TMTC1: variants seen among roughly 807,000 people sequenced by gnomAD.
TMTC1 encodes the protein protein O-mannosyl-transferase TMTC1.
TMTC1 carries 73 observed loss-of-function variants against 104.8 expected under a neutral mutation model. The observed-to-expected ratio is 0.70, with a 90% CI of 0.58 to 0.85. The LOEUF is 0.85. TMTC1 is among the 40% of genes least tolerant of loss of function. The pLI is 0.00. For synonymous variants in TMTC1, 434 were observed against 428.7 expected, an observed-to-expected ratio of 1.01 and a Z score of -0.15; for missense variants, 1,035 against 1,096.1, an observed-to-expected ratio of 0.94 and a Z score of 0.79.
chr12:29,780,040 T>C (rs905427264), intron 1 of TMTC1, among the ~76,000 whole-genome samples: 1 of 152,156 alleles, frequency 6.6e-6, no homozygotes, highest in Admixed American at 6.5e-5. Flanking sequence ...GCACAGAAAC[T>C]GGATTACTCA....
At chr12:29,535,850 T>A (rs1404817687) in intron 11 of TMTC1, 8 of 202,380 alleles carry the variant, frequency 4.0e-5, no homozygotes, top group Non-Finnish European at 7.8e-5. Flanking sequence ...ATTATCAAAT[T>A]GCTCCATGTT....
intron 7 of TMTC1, among the ~76,000 whole-genome samples, chr12:29,598,106 G>A (rs551472836): frequency 6.6e-6 from 1 of 152,302 alleles, no homozygotes; most frequent in South Asian, 2.1e-4. Context: ...TTTCAAGACG[G>A]CTAGCCAGTG....
intron 5 of TMTC1, among the ~76,000 whole-genome samples, chr12:29,690,961 C>T (rs1351243876): frequency 6.6e-6 from 1 of 152,204 alleles, no homozygotes; most frequent in East Asian, 1.9e-4. Flanking sequence ...CTTGTTCATT[C>T]CTGAGTGTCA....
intron 7 of TMTC1, among the ~76,000 whole-genome samples, chr12:29,600,394 T>G (rs1946533334): frequency 6.6e-6 from 1 of 152,200 alleles, no homozygotes; most frequent in Non-Finnish European, 1.5e-5. Context: ...AAAATGGCTT[T>G]GATGAAGTCA....
At chr12:29,600,493 C>T (rs76283494) in intron 7 of TMTC1, among the ~76,000 whole-genome samples, 7,148 of 152,230 alleles carry the variant, frequency 0.047, 576 homozygotes, top group African/African-American at 0.16. Context: ...TTGCACAATT[C>T]TATATACCAG....
chr12:29,723,447 G>T (rs1327334747), intron 5 of TMTC1, among the ~76,000 whole-genome samples: 1 of 152,158 alleles, frequency 6.6e-6, no homozygotes, highest in East Asian at 1.9e-4. Context: ...CAAGCCAGGA[G>T]CAGTGGCTCA....
At chr12:29,664,663 A>C (rs1429613267) in intron 5 of TMTC1, among the ~76,000 whole-genome samples, 1 of 152,214 alleles carries the variant, frequency 6.6e-6, no homozygotes, top group Non-Finnish European at 1.5e-5. Context: ...CACTTACAAC[A>C]ATTCCATGAG....
intron 10 of TMTC1, among the ~76,000 whole-genome samples, chr12:29,542,249 T>C (rs1178690538): frequency 1.3e-5 from 2 of 152,058 alleles, no homozygotes. Context: ...CTGAATCCCT[T>C]TAAGAACTCA....
At chr12:29,605,278 C>T (rs765466937) in intron 6 of TMTC1, among the ~76,000 whole-genome samples, 9 of 151,698 alleles carry the variant, frequency 5.9e-5, no homozygotes, top group Non-Finnish European at 1.2e-4. Context: ...AAATAAAACT[C>T]CCTAATAAAA....
At chr12:29,555,630 C>T (rs1200718974) in intron 10 of TMTC1, among the ~76,000 whole-genome samples, 2 of 152,100 alleles carry the variant, frequency 1.3e-5, no homozygotes, top group Non-Finnish European at 2.9e-5. Context: ...CAGCTTCATC[C>T]ATGTCCCTGC....
At chr12:29,527,637 CCTGAA>C (rs1944386790) in intron 11 of TMTC1, among the ~76,000 whole-genome samples, 1 of 152,168 alleles carries the variant, frequency 6.6e-6, no homozygotes, top group Non-Finnish European at 1.5e-5. Context: ...AGGTGTTTTT[CCTGAA>C]AGGAACACAA....
intron 11 of TMTC1, among the ~76,000 whole-genome samples, chr12:29,523,004 T>C (rs1193949101): frequency 2.0e-5 from 3 of 152,298 alleles, no homozygotes; most frequent in Non-Finnish European, 2.9e-5. Context: ...GAATAGAAGC[T>C]AGGTTTTCAG....
chr12:29,567,073 T>C (rs1220229612), intron 9 of TMTC1, among the ~76,000 whole-genome samples: 1 of 152,184 alleles, frequency 6.6e-6, no homozygotes, highest in African/African-American at 2.4e-5. Flanking sequence ...ATCTCTTGCC[T>C]CCATTCATGA....
intron 5 of TMTC1, among the ~76,000 whole-genome samples, chr12:29,662,790 C>T (rs556577612): frequency 3.3e-5 from 5 of 152,206 alleles, no homozygotes; most frequent in African/African-American, 9.6e-5. Flanking sequence ...TTTTCCTCTG[C>T]CTGGTCCATA....
intron 9 of TMTC1, among the ~76,000 whole-genome samples, chr12:29,557,553 C>T (rs576898719): frequency 7.9e-5 from 12 of 152,370 alleles, no homozygotes; most frequent in Non-Finnish European, 1.3e-4. Flanking sequence ...CAGGTTCAAG[C>T]GATTTTCCTG....
chr12:29,608,540 C>A (rs1946762421), intron 6 of TMTC1, among the ~76,000 whole-genome samples: 1 of 152,180 alleles, frequency 6.6e-6, no homozygotes, highest in African/African-American at 2.4e-5. Context: ...ATTTACTTCT[C>A]TGAGCTTTAA....
chr12:29,546,077 C>T (rs1944934959), intron 10 of TMTC1, among the ~76,000 whole-genome samples: 1 of 152,170 alleles, frequency 6.6e-6, no homozygotes, highest in Admixed American at 6.5e-5. Context: ...GAGGAGAACA[C>T]ACAGGAGGTG....
chr12:29,507,324 T>C (rs1943720233), intron 17 of TMTC1, among the ~76,000 whole-genome samples: 1 of 152,114 alleles, frequency 6.6e-6, no homozygotes, highest in African/African-American at 2.4e-5. Flanking sequence ...AATGGAACCA[T>C]GGCACAAAAT....
chr12:29,765,034 A>G (rs567723243), intron 2 of TMTC1, among the ~76,000 whole-genome samples: 1 of 152,218 alleles, frequency 6.6e-6, no homozygotes, highest in African/African-American at 2.4e-5. Flanking sequence ...CCAATTGTAC[A>G]AGAAGAATTA....
Sources: allele counts gnomAD v4.1 joint callset (sites outside exome capture counted in the v4.1 genomes callset), GRCh38; gene constraint gnomAD v4.1.1; transcripts MANE v1.5; gene names NCBI Gene and HGNC (gene_info 2026-07-23, HGNC 2026-07-21).